The following ZC3H12B variants were observed in gnomAD, a reference collection of about 807,000 sequenced individuals.
The protein encoded by ZC3H12B is probable ribonuclease ZC3H12B.
A neutral mutation model predicts 43.9 loss-of-function variants in ZC3H12B; 7 were observed. The ratio of observed to expected loss-of-function variants is 0.16; its 90% CI spans 0.09 to 0.30. ZC3H12B has a LOEUF of 0.30. Ranked by LOEUF, ZC3H12B falls within the 10% of genes least tolerant of loss-of-function variation. ZC3H12B has a pLI of 1.00. For synonymous variants in ZC3H12B, 222 were observed against 241.7 expected (o/e 0.92, Z 0.76); for missense variants, 475 against 670.2 (o/e 0.71, Z 3.22).
At chrX:65,245,081 AATAC>A in the ZC3H12B span, among the ~76,000 whole-genome samples, 1 of 111,663 alleles carries the variant, frequency 9.0e-6, no homozygotes, top group Non-Finnish European at 1.9e-5. Flanking sequence ...CCTCCCTCAA[AATAC>A]ATACAATCAT....
chrX:65,187,208 G>A, the ZC3H12B span: 1 of 110,969 alleles, frequency 9.0e-6, no homozygotes, highest in Non-Finnish European at 1.9e-5. Flanking sequence ...CTTTCTCTTT[G>A]TTCTTGCACC....
At chrX:65,194,412 AT>A in the ZC3H12B span, among the ~76,000 whole-genome samples, 2 of 109,841 alleles carry the variant, frequency 1.8e-5, no homozygotes, top group Non-Finnish European at 3.8e-5. Flanking sequence ...AAATAAAAAA[AT>A]AAAAATTTAT....
At chrX:65,135,093 C>A in the ZC3H12B span, among the ~76,000 whole-genome samples, 1 of 111,237 alleles carries the variant, frequency 9.0e-6, no homozygotes, top group Non-Finnish European at 1.9e-5. Flanking sequence ...AGAGGCCTGA[C>A]AATATATATA....
the ZC3H12B span, among the ~76,000 whole-genome samples, chrX:65,068,133 T>G: frequency 9.3e-6 from 1 of 107,586 alleles, no homozygotes; most frequent in East Asian, 2.9e-4. Context: ...TTTAGTGTTT[T>G]AAAACTTGTT....
the ZC3H12B span, among the ~76,000 whole-genome samples, chrX:65,111,898 C>T: frequency 5.3e-4 from 59 of 111,082 alleles, no homozygotes; most frequent in African/African-American, 1.9e-3. Context: ...ACACAATGGC[C>T]TCTAAATGTT....
intron 3 of ZC3H12B, among the ~76,000 whole-genome samples, chrX:65,432,429 C>A (rs777239725): frequency 1.4e-4 from 16 of 111,544 alleles, no homozygotes; most frequent in Non-Finnish European, 2.3e-4. Flanking sequence ...TAACAGCCTG[C>A]CACATACTCC....
At chrX:65,172,712 T>A in the ZC3H12B span, among the ~76,000 whole-genome samples, 7 of 112,215 alleles carry the variant, frequency 6.2e-5, no homozygotes, top group Non-Finnish European at 1.1e-4. Context: ...TTCTGTCAGG[T>A]TTGTCAAAGA....
intron 2 of ZC3H12B, among the ~76,000 whole-genome samples, chrX:65,370,007 G>A (rs2066224162): frequency 9.0e-6 from 1 of 111,318 alleles, no homozygotes; most frequent in African/African-American, 3.3e-5. Flanking sequence ...AGCATTTTGG[G>A]AGGCCTAAGC....
chrX:65,318,668 C>T, the ZC3H12B span, among the ~76,000 whole-genome samples: 1 of 111,516 alleles, frequency 9.0e-6, no homozygotes, highest in Non-Finnish European at 1.9e-5. Flanking sequence ...GATCCACCCA[C>T]CTCAGCCTCC....
At chrX:65,139,979 T>G in the ZC3H12B span, among the ~76,000 whole-genome samples, 3 of 106,597 alleles carry the variant, frequency 2.8e-5, no homozygotes, top group Admixed American at 1.0e-4. Flanking sequence ...GTTCTAAAAG[T>G]TTTTTTTTTG....
chrX:65,237,070 C>A, the ZC3H12B span, among the ~76,000 whole-genome samples: 1 of 111,866 alleles, frequency 8.9e-6, no homozygotes, highest in Non-Finnish European at 1.9e-5. Context: ...GTAGTTTCTT[C>A]TAATTCTGTG....
At chrX:65,263,623 G>A in the ZC3H12B span, among the ~76,000 whole-genome samples, 1 of 111,200 alleles carries the variant, frequency 9.0e-6, no homozygotes, top group African/African-American at 3.3e-5. Flanking sequence ...AGTAATATCA[G>A]AATATCAAGA....
chrX:65,038,015 C>T, the ZC3H12B span, among the ~76,000 whole-genome samples: 4 of 110,861 alleles, frequency 3.6e-5, no homozygotes, highest in Non-Finnish European at 7.6e-5. Flanking sequence ...AACAACCTTC[C>T]GCTATATTGA....
intron 2 of ZC3H12B, among the ~76,000 whole-genome samples, chrX:65,392,338 G>C (rs978261275): frequency 1.8e-5 from 2 of 110,813 alleles, no homozygotes; most frequent in Non-Finnish European, 3.8e-5. Context: ...CTGCCTGGCC[G>C]CCCATCTTCT....
the ZC3H12B span, among the ~76,000 whole-genome samples, chrX:65,130,016 T>C: frequency 8.1e-5 from 9 of 111,274 alleles, no homozygotes; most frequent in Non-Finnish European, 7.5e-5. Context: ...AAACAGATAT[T>C]AAAGGACTAA....
At chrX:65,077,582 T>C in the ZC3H12B span, among the ~76,000 whole-genome samples, 2 of 112,362 alleles carry the variant, frequency 1.8e-5, no homozygotes, top group African/African-American at 3.2e-5. Context: ...AGCTGGATTT[T>C]CCAGGAGCTT....
chrX:65,203,419 G>T, the ZC3H12B span, among the ~76,000 whole-genome samples: 1 of 110,892 alleles, frequency 9.0e-6, no homozygotes, highest in Admixed American at 9.7e-5. Context: ...ATCGTTCAGG[G>T]CCCAAGGGCT....
chrX:65,150,500 C>T, the ZC3H12B span, among the ~76,000 whole-genome samples: 9 of 109,912 alleles, frequency 8.2e-5, no homozygotes, highest in East Asian at 1.4e-3. Flanking sequence ...CCCCCGACCC[C>T]CCAACAGGCC....
the ZC3H12B span, among the ~76,000 whole-genome samples, chrX:65,119,880 C>G: frequency 2.4e-4 from 27 of 111,851 alleles, no homozygotes; most frequent in Admixed American, 2.4e-3. Context: ...GCCAGTTTTC[C>G]TAGCACCATT....
Sources: allele counts gnomAD v4.1 joint callset (sites outside exome capture counted in the v4.1 genomes callset), GRCh38; gene constraint gnomAD v4.1.1; transcripts MANE v1.5; gene names NCBI Gene and HGNC (gene_info 2026-07-23, HGNC 2026-07-21).